The following SOX5 variants were observed in gnomAD, a reference collection of about 807,000 sequenced individuals.
SOX5 encodes the protein transcription factor SOX-5.
A neutral mutation model predicts 92.0 loss-of-function variants in SOX5; 9 were observed. The ratio of observed to expected loss-of-function variants is 0.10; its 90% CI spans 0.06 to 0.17. The LOEUF is 0.17. Among genes scored for constraint, SOX5 ranks in the 10% least tolerant of loss-of-function variants. The pLI, the probability that SOX5 is intolerant of heterozygous loss-of-function variation, is 1.00. For synonymous variants in SOX5, 344 were observed against 336.3 expected (o/e 1.02, Z -0.25); for missense variants, 642 against 944.5 (o/e 0.68, Z 4.20).
chr12:23,852,361 G>A (rs531701354), intron 2 of SOX5, among the ~76,000 whole-genome samples: 1 of 152,010 alleles, frequency 6.6e-6, no homozygotes, highest in Non-Finnish European at 1.5e-5. Flanking sequence ...TCAAGTTCAG[G>A]TAAAAAGATT....
At chr12:23,964,149 C>T (rs1947282400) in intron 4 of SOX5, among the ~76,000 whole-genome samples, 1 of 151,778 alleles carries the variant, frequency 6.6e-6, no homozygotes, top group Non-Finnish European at 1.5e-5. Flanking sequence ...CTAAATGGCT[C>T]CAGGAACCAA....
chr12:24,009,430 A>G (rs559091430), intron 4 of SOX5, among the ~76,000 whole-genome samples: 55 of 151,810 alleles, frequency 3.6e-4, no homozygotes, highest in Non-Finnish European at 6.8e-4. Context: ...TTTGCATCCT[A>G]TATTTTCAGG....
At chr12:23,776,617 A>T (rs1482271436) in intron 3 of SOX5, among the ~76,000 whole-genome samples, 1 of 151,020 alleles carries the variant, frequency 6.6e-6, no homozygotes, top group Non-Finnish European at 1.5e-5. Flanking sequence ...CGTGGAAGAC[A>T]TTTTTTTTTA....
At chr12:23,973,903 C>A (rs147868165) in intron 4 of SOX5, among the ~76,000 whole-genome samples, 1 of 152,168 alleles carries the variant, frequency 6.6e-6, no homozygotes, top group Admixed American at 6.5e-5. Flanking sequence ...GCTTGATAAT[C>A]CGAGTGGAAC....
intron 4 of SOX5, among the ~76,000 whole-genome samples, chr12:24,034,784 G>A (rs1592541748): frequency 6.6e-6 from 1 of 152,020 alleles, no homozygotes; most frequent in Non-Finnish European, 1.5e-5. Flanking sequence ...ATAAATTTGT[G>A]TGTTTGTGTG....
chr12:24,001,517 T>C (rs896333562), intron 4 of SOX5, among the ~76,000 whole-genome samples: 1 of 152,124 alleles, frequency 6.6e-6, no homozygotes, highest in South Asian at 2.1e-4. Context: ...AAGAAAATAA[T>C]CACAGAGAAA....
intron 6 of SOX5, among the ~76,000 whole-genome samples, chr12:23,707,642 T>C (rs1438809019): frequency 6.6e-6 from 1 of 152,166 alleles, no homozygotes; most frequent in Non-Finnish European, 1.5e-5. Context: ...GATTTTAGTT[T>C]TGGACTTCTT....
At chr12:23,543,620 T>G (rs1428939647) in intron 12 of SOX5, among the ~76,000 whole-genome samples, 1 of 152,222 alleles carries the variant, frequency 6.6e-6, no homozygotes, top group Non-Finnish European at 1.5e-5. Context: ...TTTCTTTCAA[T>G]GGACTGTTTC....
chr12:23,775,178 T>C (rs542823984), intron 3 of SOX5, among the ~76,000 whole-genome samples: 1 of 152,346 alleles, frequency 6.6e-6, no homozygotes, highest in African/African-American at 2.4e-5. Flanking sequence ...AGGCATTGTT[T>C]CCTTTTCCCT....
chr12:23,684,048 A>G (rs887443079), intron 6 of SOX5, among the ~76,000 whole-genome samples: 1 of 152,016 alleles, frequency 6.6e-6, no homozygotes, highest in African/African-American at 2.4e-5. Flanking sequence ...AAGATAATGC[A>G]TTTTAGCATC....
intron 2 of SOX5, among the ~76,000 whole-genome samples, chr12:23,888,714 A>G (rs747132158): frequency 1.3e-5 from 2 of 152,182 alleles, no homozygotes; most frequent in Non-Finnish European, 2.9e-5. Flanking sequence ...ATAATGATTG[A>G]ACCACTTACA....
chr12:23,585,321 C>A (rs1950571031), intron 9 of SOX5, among the ~76,000 whole-genome samples: 1 of 152,114 alleles, frequency 6.6e-6, no homozygotes, highest in Non-Finnish European at 1.5e-5. Context: ...TTTGATGTCC[C>A]TGGGACTCAC....
chr12:23,825,312 C>T (rs1274620609), intron 3 of SOX5, among the ~76,000 whole-genome samples: 1 of 152,206 alleles, frequency 6.6e-6, no homozygotes, highest in Non-Finnish European at 1.5e-5. Flanking sequence ...TCACGGCTTC[C>T]CTTGGCTAGG....
chr12:24,116,421 C>T (rs1948005875), intron 4 of SOX5, among the ~76,000 whole-genome samples: 1 of 151,060 alleles, frequency 6.6e-6, no homozygotes, highest in African/African-American at 2.4e-5. Context: ...GAAAAAATAT[C>T]TCAAGGCAGA....
intron 4 of SOX5, among the ~76,000 whole-genome samples, chr12:24,054,209 G>A (rs1280219976): frequency 6.6e-6 from 1 of 152,140 alleles, no homozygotes; most frequent in East Asian, 1.9e-4. Context: ...TCTTAACGAG[G>A]ACACAATATA....
At chr12:24,328,118 AT>A (rs745648749) in intron 2 of SOX5, among the ~76,000 whole-genome samples, 6 of 152,340 alleles carry the variant, frequency 3.9e-5, no homozygotes, top group Non-Finnish European at 5.9e-5. Flanking sequence ...AGTCAGATTC[AT>A]TGCCCACATG....
At chr12:24,450,227 T>C (rs999350032) in intron 1 of SOX5, among the ~76,000 whole-genome samples, 2 of 152,174 alleles carry the variant, frequency 1.3e-5, no homozygotes, top group African/African-American at 4.8e-5. Flanking sequence ...CAATGCACAA[T>C]GTGGAAGCCA....
In SOX5 at chr12:24,322,557, A is replaced by C. The variant is rs564060217; in HGVS notation, c.-173-45245T>G. Among the ~76,000 whole-genome samples, 119 of 152,220 alleles carry C rather than the reference A, an allele frequency of 7.8e-4. 2 individuals are homozygous for C. Among genetic ancestry groups the C allele is most frequent in the Middle Eastern group, 6.8e-3 (2 of 294 alleles). ...TAGATTGCTCTTACAGGCTGACCTAAATTTTCTTTCCTCTTGTAAAAAGTC... is the reference window on the plus strand; with the variant it reads ...TAGATTGCTCTTACAGGCTGACCTACATTTTCTTTCCTCTTGTAAAAAGTC... On this transcript the variant is annotated intron_variant, in intron 2 of 4. Coordinates refer to the SOX5 transcript ENST00000446891.
In SOX5 at chr12:24,094,389, A is replaced by T. The variant is rs111884239; in HGVS notation, c.-2+118954T>A. ...TATTATGTTGTCTTTTACCTGCTGC[A>T]AAATTGTAAAGTTCTAAATGCTTAT... On this transcript the variant is annotated intron_variant, in intron 4 of 4. Coordinates refer to the SOX5 transcript ENST00000446891. Among the ~76,000 whole-genome samples, 11 of 151,478 alleles carry T rather than the reference A, an allele frequency of 7.3e-5. No individual in the cohort carries two copies. In the South Asian group the frequency reaches 1.9e-3, roughly 26 times the overall value.
Sources: gnomAD v4.1 joint callset for allele counts (sites outside exome capture counted in the v4.1 genomes callset) on GRCh38, gnomAD v4.1.1 for gene constraint, MANE v1.5 for transcripts, NCBI Gene and HGNC (gene_info 2026-07-23, HGNC 2026-07-21) for gene names.